The following GLIS1 variants were observed in gnomAD, a reference collection of about 807,000 sequenced individuals.
GLIS1 encodes GLIS family zinc finger 1.
A neutral mutation model predicts 63.8 loss-of-function variants in GLIS1; 24 were observed. The ratio of observed to expected loss-of-function variants is 0.38; its 90% CI spans 0.27 to 0.53. The LOEUF is 0.53. Among genes scored for constraint, GLIS1 ranks in the 20% least tolerant of loss-of-function variants. The pLI, the probability that GLIS1 is intolerant of heterozygous loss-of-function variation, is 0.85. For missense variants in GLIS1, 1,036 were observed against 1,074.1 expected, an observed-to-expected ratio of 0.96 and a Z score of 0.50; for synonymous variants, 450 against 482.5, an observed-to-expected ratio of 0.93 and a Z score of 0.88.
At chr1:53,588,125 A>C (rs1264557233) in intron 4 of GLIS1, among the ~76,000 whole-genome samples, 1 of 152,210 alleles carries the variant, frequency 6.6e-6, no homozygotes, top group Non-Finnish European at 1.5e-5. Flanking sequence ...CAAGCGTCTC[A>C]ATAATGATCT....
At chr1:53,673,934 G>A (rs1163596805) in intron 2 of GLIS1, among the ~76,000 whole-genome samples, 1 of 152,192 alleles carries the variant, frequency 6.6e-6, no homozygotes, top group Non-Finnish European at 1.5e-5. Flanking sequence ...CACTTTGGGA[G>A]GCCGAGGTGG....
chr1:53,604,350 A>G (rs1645348703), intron 2 of GLIS1, among the ~76,000 whole-genome samples: 1 of 152,234 alleles, frequency 6.6e-6, no homozygotes, highest in African/African-American at 2.4e-5. Flanking sequence ...CGAAGCAAAC[A>G]GCTCTAGTTA....
chr1:53,701,962 T>C (rs1646527224), intron 2 of GLIS1, among the ~76,000 whole-genome samples: 1 of 134,264 alleles, frequency 7.4e-6, no homozygotes, highest in African/African-American at 2.9e-5. Context: ...CACTGCACTC[T>C]AGCCTGGGTG....
rs1644819724 is a variant in GLIS1, at chr1:53,556,073, G to T, written c.1321-26121C>A. On this transcript the variant is annotated intron_variant, in intron 4 of 10. Coordinates refer to ENST00000628545, the MANE Select transcript of GLIS1 (RefSeq NM_001367484.1). ...TGTGTGTGTATGCAGGTATACTGTAGGTTTGTGTGTGCAGGTGTACTGCAG... is the reference window on the plus strand; with the variant it reads ...TGTGTGTGTATGCAGGTATACTGTATGTTTGTGTGTGCAGGTGTACTGCAG... Among the ~76,000 whole-genome samples, 4 of 114,814 alleles carry T rather than the reference G, an allele frequency of 3.5e-5. No homozygotes were observed. In the South Asian group the frequency reaches 1.2e-3, roughly 35 times the overall value. The allele number at this position is 114,814 out of a possible 152,430, so 75.3% of individuals were successfully genotyped here.
intron 2 of GLIS1, among the ~76,000 whole-genome samples, chr1:53,720,350 G>C (rs1010511008): frequency 2.6e-5 from 4 of 152,204 alleles, no homozygotes; most frequent in Non-Finnish European, 5.9e-5. Flanking sequence ...CCTGTCATCT[G>C]CATCAACATG....
At chr1:53,727,240 T>C (rs1054679917) in intron 2 of GLIS1, among the ~76,000 whole-genome samples, 7 of 152,194 alleles carry the variant, frequency 4.6e-5, no homozygotes, top group African/African-American at 9.6e-5. Context: ...ATGAATAATA[T>C]GATTTCTGGA....
intron 6 of GLIS1, among the ~76,000 whole-genome samples, chr1:53,521,327 C>A (rs545467): frequency 0.91 from 138,096 of 152,098 alleles, 62,808 homozygotes; most frequent in East Asian, 0.99. Context: ...ATAGGTGTGC[C>A]GTCAGCCTCC....
At chr1:53,630,053 T>C (rs890127848) in intron 2 of GLIS1, among the ~76,000 whole-genome samples, 1 of 152,236 alleles carries the variant, frequency 6.6e-6, no homozygotes, top group Non-Finnish European at 1.5e-5. Context: ...CAACTTTCTA[T>C]GTTATTGTGT....
chr1:53,647,960 C>T (rs1645864313), intron 2 of GLIS1, among the ~76,000 whole-genome samples: 1 of 151,992 alleles, frequency 6.6e-6, no homozygotes, highest in East Asian at 1.9e-4. Context: ...TCACTTGAGC[C>T]CAGGAGTTCA....
chr1:53,610,772 G>T (rs116139396), intron 2 of GLIS1, among the ~76,000 whole-genome samples: 1 of 152,086 alleles, frequency 6.6e-6, no homozygotes, highest in Non-Finnish European at 1.5e-5. Context: ...TTTGCTCGTC[G>T]TCTTTCCCCT....
intron 2 of GLIS1, among the ~76,000 whole-genome samples, chr1:53,642,416 G>A (rs912907658): frequency 2.6e-5 from 4 of 152,116 alleles, no homozygotes; most frequent in East Asian, 3.9e-4. Flanking sequence ...AGGTTGCCAC[G>A]CAACGATAAG....
At chr1:53,507,763 G>A (rs1557937036) in intron 10 of GLIS1, among the ~76,000 whole-genome samples, 2 of 152,224 alleles carry the variant, frequency 1.3e-5, no homozygotes, top group Non-Finnish European at 2.9e-5. Flanking sequence ...GGCCGGTGTA[G>A]GGCCGGGGTG....
At chr1:53,672,302 T>G (rs1406457640) in intron 2 of GLIS1, among the ~76,000 whole-genome samples, 2 of 152,182 alleles carry the variant, frequency 1.3e-5, no homozygotes, top group Non-Finnish European at 2.9e-5. Flanking sequence ...CTTGGGCAAG[T>G]CAGTCCACCT....
chr1:53,629,560 TC>T (rs1420385520), intron 2 of GLIS1, among the ~76,000 whole-genome samples: 2 of 152,118 alleles, frequency 1.3e-5, no homozygotes, highest in Non-Finnish European at 2.9e-5. Flanking sequence ...GTTCCACTCT[TC>T]CCCAGCGTGC....
intron 2 of GLIS1, among the ~76,000 whole-genome samples, chr1:53,640,037 T>C (rs1645769474): frequency 6.6e-6 from 1 of 152,238 alleles, no homozygotes; most frequent in South Asian, 2.1e-4. Flanking sequence ...GCACATTTTA[T>C]TCATTAAGTT....
intron 4 of GLIS1, among the ~76,000 whole-genome samples, chr1:53,591,390 G>A (rs1255626902): frequency 6.6e-6 from 1 of 152,160 alleles, no homozygotes; most frequent in Non-Finnish European, 1.5e-5. Context: ...CACCCAGTGG[G>A]GCCGGCCCTA....
In GLIS1 at chr1:53,527,624, A is replaced by G. The variant is rs917684674; in HGVS notation, c.1482+2167T>C. On this transcript the variant is annotated intron_variant, in intron 5 of 10. Transcript: ENST00000628545. The stretch of plus-strand genomic sequence containing the variant: ...CATGGAGAGAATCCCACATTCTCCA[A>G]TGCCAGAGGTGAGCTAGGGACATGG... Among the ~76,000 whole-genome samples, 4 of 152,350 alleles carry G rather than the reference A, an allele frequency of 2.6e-5. No individual in the cohort carries two copies. In the South Asian group the frequency reaches 6.2e-4, roughly 24 times the overall value.
At chr1:53,679,149 T>C (rs915524526) in intron 2 of GLIS1, among the ~76,000 whole-genome samples, 1 of 151,882 alleles carries the variant, frequency 6.6e-6, no homozygotes, top group African/African-American at 2.4e-5. Context: ...CTCCCTCCAC[T>C]ACCTCCAGGC....
chr1:53,623,636 T>C (rs746828448), intron 2 of GLIS1, among the ~76,000 whole-genome samples: 1 of 152,184 alleles, frequency 6.6e-6, no homozygotes, highest in Non-Finnish European at 1.5e-5. Context: ...AAAAGTCCTA[T>C]GGAATCTCTA....
Sources: gnomAD v4.1 joint callset for allele counts (sites outside exome capture counted in the v4.1 genomes callset) on GRCh38, gnomAD v4.1.1 for gene constraint, MANE v1.5 for transcripts, NCBI Gene and HGNC (gene_info 2026-07-23, HGNC 2026-07-21) for gene names.